The following SLC17A1 variants were observed in gnomAD, a reference collection of about 807,000 sequenced individuals.
The protein encoded by SLC17A1 is solute carrier family 17 member 1.
A neutral mutation model predicts 53.5 loss-of-function variants in SLC17A1; 51 were observed. The ratio of observed to expected loss-of-function variants is 0.95; its 90% CI spans 0.76 to 1.20. The LOEUF (loss-of-function observed/expected upper bound fraction) is 1.20, where lower values mean the gene tolerates loss of function less well. Ranked by LOEUF, SLC17A1 falls within the 50% of genes most tolerant of loss-of-function variation. The pLI is 0.00. For synonymous variants in SLC17A1, 179 were observed against 198.8 expected (o/e 0.90, Z 0.84); for missense variants, 538 against 568.2 (o/e 0.95, Z 0.54).
At chr6:25,766,245 A>C in the SLC17A1 span, among the ~76,000 whole-genome samples, 7 of 151,860 alleles carry the variant, frequency 4.6e-5, no homozygotes, top group East Asian at 1.3e-3. Flanking sequence ...ACAACTAAGA[A>C]ATGAAGAAAA....
intron 10 of SLC17A1, among the ~76,000 whole-genome samples, chr6:25,802,628 G>T (rs1763814941): frequency 6.6e-6 from 1 of 152,020 alleles, no homozygotes; most frequent in Non-Finnish European, 1.5e-5. Flanking sequence ...GTTTTTGCTG[G>T]ATATAGACTT....
chr6:25,726,925 C>T, the SLC17A1 span: 47 of 1,613,260 alleles, frequency 2.9e-5, no homozygotes, highest in Admixed American at 8.3e-5. Context: ...GAGGTGTCAT[C>T]TAAAGGTGCT....
the SLC17A1 span, chr6:25,770,483 C>T: frequency 4.3e-5 from 69 of 1,611,864 alleles, no homozygotes; most frequent in African/African-American, 7.2e-4. Flanking sequence ...TAACTGGTAC[C>T]CTAAACCTCA....
the SLC17A1 span, among the ~76,000 whole-genome samples, chr6:25,725,647 T>G: frequency 4.1e-4 from 63 of 152,088 alleles, no homozygotes; most frequent in Non-Finnish European, 7.2e-4. Flanking sequence ...CAGACTGGAG[T>G]GCAGTGGAGC....
chr6:25,763,794 T>A, the SLC17A1 span, among the ~76,000 whole-genome samples: 1 of 152,254 alleles, frequency 6.6e-6, no homozygotes, highest in Non-Finnish European at 1.5e-5. Flanking sequence ...GTTAGGGATT[T>A]CTGGGGCCAG....
At chr6:25,735,643 T>G in the SLC17A1 span, among the ~76,000 whole-genome samples, 1 of 152,136 alleles carries the variant, frequency 6.6e-6, no homozygotes, top group Non-Finnish European at 1.5e-5. Flanking sequence ...TAGGGAAACA[T>G]GTACATACCA....
At chr6:25,777,210 C>T in the SLC17A1 span, 1 of 450,992 alleles carries the variant, frequency 2.2e-6, no homozygotes, top group East Asian at 3.7e-5. Context: ...GGGAGACTCA[C>T]ACAAACCTCT....
chr6:25,825,914 G>A (rs1447432287), intron 3 of SLC17A1, among the ~76,000 whole-genome samples: 3 of 151,890 alleles, frequency 2.0e-5, no homozygotes, highest in African/African-American at 7.3e-5. Flanking sequence ...CAGTGGTGTG[G>A]AGTCTACTGA....
At chr6:25,765,431 G>C in the SLC17A1 span, among the ~76,000 whole-genome samples, 1 of 152,238 alleles carries the variant, frequency 6.6e-6, no homozygotes, top group Non-Finnish European at 1.5e-5. Context: ...CAGGCACAAA[G>C]AGGTAGCAGC....
chr6:25,734,561 A>G, the SLC17A1 span, among the ~76,000 whole-genome samples: 1 of 152,250 alleles, frequency 6.6e-6, no homozygotes, highest in Non-Finnish European at 1.5e-5. Context: ...ATTCTCAGTT[A>G]TAAGTAAATA....
At chr6:25,774,159 C>T in the SLC17A1 span, among the ~76,000 whole-genome samples, 4 of 152,132 alleles carry the variant, frequency 2.6e-5, no homozygotes, top group South Asian at 2.1e-4. Flanking sequence ...TAGACATTTG[C>T]GGAGTAATGT....
chr6:25,731,773 C>T, the SLC17A1 span: 1 of 1,561,978 alleles, frequency 6.4e-7, no homozygotes, highest in Non-Finnish European at 8.7e-7. Context: ...TCTGCTGGCC[C>T]TATCATGTTT....
chr6:25,800,867 C>T (rs1461836574), intron 11 of SLC17A1, 23 bp downstream of exon 11: 2 of 1,408,982 alleles, frequency 1.4e-6, no homozygotes, highest in Admixed American at 1.7e-5. Flanking sequence ...GGAAAAATAA[C>T]TACACATCTG....
chr6:25,762,298 GA>G, the SLC17A1 span, among the ~76,000 whole-genome samples: 1 of 151,924 alleles, frequency 6.6e-6, no homozygotes, highest in Non-Finnish European at 1.5e-5. Flanking sequence ...AGAGATGAAG[GA>G]AAAAAATCAG....
the SLC17A1 span, chr6:25,731,935 C>T: frequency 3.7e-6 from 6 of 1,601,024 alleles, no homozygotes; most frequent in African/African-American, 1.3e-5. Context: ...CGGGAAGCCT[C>T]ACAGGCAATG....
the SLC17A1 span, among the ~76,000 whole-genome samples, chr6:25,727,879 G>A: frequency 3.0e-3 from 450 of 152,032 alleles, 2 homozygotes; most frequent in Middle Eastern, 0.017. Flanking sequence ...TCAGGTGGGC[G>A]TGGTGGCGTG....
chr6:25,781,683 G>T (rs1297469855), downstream of SLC17A1, among the ~76,000 whole-genome samples: 4 of 152,110 alleles, frequency 2.6e-5, no homozygotes, highest in African/African-American at 9.7e-5. Context: ...GGTGAGACAG[G>T]AAGCTGGGAG....
chr6:25,830,835 A>G (rs1024088143), intron 1 of SLC17A1, among the ~76,000 whole-genome samples: 25 of 152,206 alleles, frequency 1.6e-4, no homozygotes, highest in African/African-American at 4.8e-4. Context: ...AGAACAAACA[A>G]ATAACCCTGC....
chr6:25,787,146 GA>G (rs1415595305), intron 12 of SLC17A1, among the ~76,000 whole-genome samples: 1 of 151,976 alleles, frequency 6.6e-6, no homozygotes, highest in Non-Finnish European at 1.5e-5. Flanking sequence ...GGTTTGAAGG[GA>G]AAAGGTAAAC....
Sources: gnomAD v4.1 joint callset for allele counts (sites outside exome capture counted in the v4.1 genomes callset) on GRCh38, gnomAD v4.1.1 for gene constraint, MANE v1.5 for transcripts, NCBI Gene and HGNC (gene_info 2026-07-23, HGNC 2026-07-21) for gene names.